The following GRM7 variants were observed in gnomAD, a reference collection of about 807,000 sequenced individuals.
GRM7 encodes glutamate metabotropic receptor 7, also known as metabotropic glutamate receptor 7.
Under a neutral mutation model 84.5 loss-of-function variants are expected in GRM7, and 35 were observed. The ratio of observed to expected loss-of-function variants is 0.41; its 90% CI spans 0.32 to 0.55. The LOEUF is 0.55. Among genes scored for constraint, GRM7 ranks in the 20% least tolerant of loss-of-function variants. GRM7 has a pLI of 0.19. For missense variants in GRM7, 1,003 were observed against 1,194.6 expected, an observed-to-expected ratio of 0.84 and a Z score of 2.36; for synonymous variants, 487 against 455.1, an observed-to-expected ratio of 1.07 and a Z score of -0.89.
chr3:7,439,051 A>G (rs1350027702), intron 5 of GRM7, among the ~76,000 whole-genome samples: 1 of 152,194 alleles, frequency 6.6e-6, no homozygotes, highest in African/African-American at 2.4e-5. Context: ...TAATGTCATT[A>G]AAATGAATAA....
chr3:7,431,756 T>A (rs1035085698), intron 5 of GRM7, among the ~76,000 whole-genome samples: 6 of 152,212 alleles, frequency 3.9e-5, no homozygotes, highest in Non-Finnish European at 8.8e-5. Flanking sequence ...ATTGCATGAA[T>A]GTGAACTGTT....
intron 4 of GRM7, among the ~76,000 whole-genome samples, chr3:7,410,873 A>G (rs988280956): frequency 1.3e-5 from 2 of 152,180 alleles, no homozygotes; most frequent in Non-Finnish European, 2.9e-5. Context: ...AAAAATGGCT[A>G]CAAATTTGGT....
At position 6,949,009 on chromosome 3, in the gene GRM7, A is replaced by G. The variant is rs1322927993; in HGVS notation, c.519+87102A>G. Reference sequence around the variant, plus strand: ...ACTGATGGGTCTTGACTCTTTATCCAATTTGCCAGTCTGTGTCTTTTAATT... The same window carrying G: ...ACTGATGGGTCTTGACTCTTTATCCGATTTGCCAGTCTGTGTCTTTTAATT... On this transcript the variant is annotated intron_variant, in intron 1 of 9. Coordinates refer to ENST00000357716, the MANE Select transcript of GRM7 (RefSeq NM_000844.4). Among the ~76,000 whole-genome samples, 4 of 152,244 alleles carry G rather than the reference A, an allele frequency of 2.6e-5. No individual in the cohort carries two copies. In the East Asian group the frequency reaches 5.8e-4, roughly 22 times the overall value.
intron 2 of GRM7, among the ~76,000 whole-genome samples, chr3:7,205,833 A>G (rs1229069943): frequency 6.6e-6 from 1 of 152,252 alleles, no homozygotes; most frequent in Non-Finnish European, 1.5e-5. Flanking sequence ...TCGTAACCAC[A>G]TGGAGGGAAG....
At chr3:6,993,317 A>G (rs928890509) in intron 1 of GRM7, among the ~76,000 whole-genome samples, 15 of 152,136 alleles carry the variant, frequency 9.9e-5, no homozygotes, top group South Asian at 2.1e-4. Flanking sequence ...ACACAGCCAA[A>G]CCATATTAGA....
chr3:7,539,777 G>A (rs77573092), intron 7 of GRM7, among the ~76,000 whole-genome samples: 1,831 of 152,028 alleles, frequency 0.012, 33 homozygotes, highest in African/African-American at 0.042. Flanking sequence ...TAAACACTAG[G>A]GTTCTTTTAA....
intron 8 of GRM7, among the ~76,000 whole-genome samples, chr3:7,595,820 G>A (rs1255098261): frequency 6.6e-6 from 1 of 152,182 alleles, no homozygotes; most frequent in African/African-American, 2.4e-5. Context: ...GCAGTGAACA[G>A]GCAGGAAAGA....
At chr3:6,998,409 G>C (rs529859938) in intron 1 of GRM7, among the ~76,000 whole-genome samples, 1 of 152,186 alleles carries the variant, frequency 6.6e-6, no homozygotes. Context: ...TCATGGGCTG[G>C]TGTTGAGTGT....
At chr3:6,939,864 A>G (rs1172542848) in intron 1 of GRM7, among the ~76,000 whole-genome samples, 2 of 152,228 alleles carry the variant, frequency 1.3e-5, no homozygotes, top group East Asian at 3.9e-4. Context: ...CATGTTACCC[A>G]TATTCTAGGC....
intron 9 of GRM7, among the ~76,000 whole-genome samples, chr3:7,687,657 AGACT>A (rs1700636120): frequency 6.6e-6 from 1 of 152,136 alleles, no homozygotes; most frequent in Non-Finnish European, 1.5e-5. Context: ...TTAATGATGT[AGACT>A]GGCCTTTCTC....
chr3:7,272,472 C>T (rs1445688266), intron 2 of GRM7, among the ~76,000 whole-genome samples: 1 of 152,118 alleles, frequency 6.6e-6, no homozygotes, highest in African/African-American at 2.4e-5. Flanking sequence ...TTGGTAAACC[C>T]ATCTAGGCTT....
intron 1 of GRM7, among the ~76,000 whole-genome samples, chr3:7,034,941 G>C (rs563764099): frequency 2.6e-5 from 4 of 152,216 alleles, no homozygotes; most frequent in Admixed American, 2.0e-4. Context: ...GAAGGATCCC[G>C]AGGATGAAGG....
chr3:7,679,649 A>G (rs1700282362), intron 8 of GRM7, among the ~76,000 whole-genome samples: 1 of 152,228 alleles, frequency 6.6e-6, no homozygotes, highest in Admixed American at 6.5e-5. Context: ...GTAGGAAGAA[A>G]TCATGGAGTG....
At chr3:6,913,613 T>C (rs560236205) in intron 1 of GRM7, among the ~76,000 whole-genome samples, 1 of 152,318 alleles carries the variant, frequency 6.6e-6, no homozygotes, top group African/African-American at 2.4e-5. Flanking sequence ...GCAGACCTCC[T>C]CATTTCTGGG....
chr3:7,092,054 G>C (rs1166303628), intron 1 of GRM7, among the ~76,000 whole-genome samples: 2 of 151,920 alleles, frequency 1.3e-5, no homozygotes, highest in South Asian at 2.1e-4. Flanking sequence ...TGTCACCCAG[G>C]CTGGAGTGAA....
intron 5 of GRM7, among the ~76,000 whole-genome samples, chr3:7,416,414 G>T (rs559168415): frequency 3.9e-4 from 59 of 152,200 alleles, no homozygotes; most frequent in African/African-American, 1.4e-3. Flanking sequence ...ATTCATGTGG[G>T]ACACAGTTCT....
At chr3:7,659,206 T>C (rs1411330801) in intron 8 of GRM7, among the ~76,000 whole-genome samples, 2 of 152,154 alleles carry the variant, frequency 1.3e-5, no homozygotes, top group African/African-American at 2.4e-5. Flanking sequence ...TATTACTGCT[T>C]CCATACAATT....
chr3:7,133,258 A>G (rs1364010220), intron 1 of GRM7, among the ~76,000 whole-genome samples: 4 of 152,172 alleles, frequency 2.6e-5, no homozygotes, highest in African/African-American at 9.7e-5. Context: ...TTTTATTTTC[A>G]TTTTGTGACT....
chr3:7,125,281 A>G (rs1693361984), intron 1 of GRM7, among the ~76,000 whole-genome samples: 1 of 152,054 alleles, frequency 6.6e-6, no homozygotes, highest in Non-Finnish European at 1.5e-5. Context: ...AATCCCAGTC[A>G]CTCAATAGAC....
Sources: gnomAD v4.1 joint callset for allele counts (sites outside exome capture counted in the v4.1 genomes callset) on GRCh38, gnomAD v4.1.1 for gene constraint, MANE v1.5 for transcripts, NCBI Gene and HGNC (gene_info 2026-07-23, HGNC 2026-07-21) for gene names.